Variants in ADARB2 observed in about 807,000 individuals in gnomAD.
ADARB2 encodes the protein adenosine deaminase RNA specific B2 (inactive).
A neutral mutation model predicts 62.2 loss-of-function variants in ADARB2; 25 were observed. The observed-to-expected ratio is 0.40, with a 90% confidence interval of 0.29 to 0.56. The LOEUF is 0.56. Among genes scored for constraint, ADARB2 ranks in the 20% least tolerant of loss-of-function variants. ADARB2 has a pLI of 0.43. For missense variants in ADARB2, 1,071 were observed against 1,077.4 expected, an observed-to-expected ratio of 0.99 and a Z score of 0.08; for synonymous variants, 572 against 500.8, an observed-to-expected ratio of 1.14 and a Z score of -1.90.
At chr10:1,229,828 T>G (rs1324997854) in intron 6 of ADARB2, among the ~76,000 whole-genome samples, 7 of 144,720 alleles carry the variant, frequency 4.8e-5, no homozygotes, top group Non-Finnish European at 1.5e-5. Flanking sequence ...ATGTATGTTT[T>G]TGTGCACATG....
At chr10:1,351,446 A>G (rs541626266) in intron 3 of ADARB2, among the ~76,000 whole-genome samples, 4 of 151,772 alleles carry the variant, frequency 2.6e-5, no homozygotes, top group African/African-American at 7.3e-5. Context: ...GTGCCAACTT[A>G]GACAATACTC....
At chr10:1,405,337 A>G (rs573626575) in intron 1 of ADARB2, among the ~76,000 whole-genome samples, 2 of 152,322 alleles carry the variant, frequency 1.3e-5, no homozygotes, top group African/African-American at 4.8e-5. Context: ...CTTGAGCTTC[A>G]ATTTGCTGAA....
intron 1 of ADARB2, among the ~76,000 whole-genome samples, chr10:1,544,026 A>C (rs77342056): frequency 0.24 from 35,363 of 147,860 alleles, 5,246 homozygotes; most frequent in East Asian, 0.57. Context: ...AACAAAAAAA[A>C]AAACACACAA....
intron 3 of ADARB2, among the ~76,000 whole-genome samples, chr10:1,320,470 C>T (rs1189348910): frequency 2.0e-5 from 3 of 152,202 alleles, no homozygotes; most frequent in Non-Finnish European, 2.9e-5. Flanking sequence ...CAGGCAAGAC[C>T]TCAATTTCAC....
At chr10:1,344,736 C>T (rs183997415) in intron 3 of ADARB2, among the ~76,000 whole-genome samples, 6 of 152,228 alleles carry the variant, frequency 3.9e-5, no homozygotes, top group South Asian at 2.1e-4. Flanking sequence ...GGGACGGGCA[C>T]GGCGAGGCAC....
chr10:1,654,426 C>A (rs1027596855), intron 1 of ADARB2, among the ~76,000 whole-genome samples: 1 of 152,204 alleles, frequency 6.6e-6, no homozygotes. Context: ...TGGAGACCAC[C>A]TAGACCCTCC....
intron 6 of ADARB2, among the ~76,000 whole-genome samples, chr10:1,229,860 GT>G (rs1830787385): frequency 7.9e-6 from 1 of 126,218 alleles, no homozygotes; most frequent in South Asian, 2.6e-4. Context: ...GTGTGTGTGT[GT>G]GTGTGTGGGT....
intron 3 of ADARB2, among the ~76,000 whole-genome samples, chr10:1,321,298 GC>G (rs1831792858): frequency 6.6e-6 from 1 of 152,154 alleles, no homozygotes. Flanking sequence ...GAAGATCCCT[GC>G]CTATCCTGCC....
chr10:1,480,403 T>TAAG (rs915805750), intron 1 of ADARB2, among the ~76,000 whole-genome samples: 14 of 152,196 alleles, frequency 9.2e-5, no homozygotes, highest in African/African-American at 3.1e-4. Flanking sequence ...AAAAGGAAAT[T>TAAG]AAGAAAAAGT....
At chr10:1,200,336 GA>G in intron 7 of ADARB2, 189 bp from the exon 8 acceptor site, 1 of 739,756 alleles carries the variant, frequency 1.4e-6, no homozygotes. Flanking sequence ...TGTTGCCTGG[GA>G]CTGGGCTCCA....
At chr10:1,268,335 C>T (rs1273951271) in intron 4 of ADARB2, among the ~76,000 whole-genome samples, 1 of 151,968 alleles carries the variant, frequency 6.6e-6, no homozygotes, top group Non-Finnish European at 1.5e-5. Flanking sequence ...TACCATATGA[C>T]TGCATTAATT....
chr10:1,695,976 AAT>A (rs969607840), intron 1 of ADARB2, among the ~76,000 whole-genome samples: 3 of 151,540 alleles, frequency 2.0e-5, no homozygotes, highest in Non-Finnish European at 4.4e-5. Context: ...TATGTGAGAG[AAT>A]ATGTGCATGC....
intron 3 of ADARB2, among the ~76,000 whole-genome samples, chr10:1,285,644 C>T (rs1831405757): frequency 6.6e-6 from 1 of 152,226 alleles, no homozygotes; most frequent in Admixed American, 6.5e-5. Flanking sequence ...CAAAAGGCTG[C>T]TCTGTTAGCT....
rs551420285 is a variant in ADARB2, at chr10:1,218,294, G to A, written c.1514-1175C>T. On this transcript the variant is annotated intron_variant, in intron 6 of 9. Transcript: ENST00000381312. ...TCGAACTCCTGACCTCAGGTGATCC[G>A]CCCACCTCCGCCTCCCAAAGTGCTG... Among the ~76,000 whole-genome samples, 1,025 of 152,068 alleles carry A rather than the reference G, an allele frequency of 6.7e-3. 4 individuals carry two copies. Among genetic ancestry groups the A allele is most frequent in the Non-Finnish European group, 9.1e-3 (621 of 67,970 alleles).
At chr10:1,727,467 G>A (rs1835180941) in intron 1 of ADARB2, among the ~76,000 whole-genome samples, 1 of 152,164 alleles carries the variant, frequency 6.6e-6, no homozygotes, top group African/African-American at 2.4e-5. Flanking sequence ...CTCCCAGAGA[G>A]TTCCGATTAT....
At chr10:1,300,299 G>A (rs1049409153) in intron 3 of ADARB2, among the ~76,000 whole-genome samples, 1 of 152,102 alleles carries the variant, frequency 6.6e-6, no homozygotes, top group African/African-American at 2.4e-5. Context: ...GGCTGCCCTC[G>A]CAGCAGGGAT....
chr10:1,351,408 C>T (rs1832137866), intron 3 of ADARB2, among the ~76,000 whole-genome samples: 1 of 151,786 alleles, frequency 6.6e-6, no homozygotes, highest in South Asian at 2.1e-4. Flanking sequence ...GGCCAGGCTT[C>T]TAAACCTCTT....
Position 1,453,124 on chromosome 10 carries a change from C to T in ADARB2, c.101-73964G>A, listed in dbSNP as rs536599186. On this transcript the variant is annotated intron_variant, in intron 1 of 9. Coordinates refer to ENST00000381312, the MANE Select transcript of ADARB2 (RefSeq NM_018702.4). ...TCCACATCCTCTCTTCCCTCCCCCA[C>T]GTCTGCAAAACGTGGCCTTGAAGGA... Among the ~76,000 whole-genome samples, 85 of 152,330 alleles carry T rather than the reference C, an allele frequency of 5.6e-4. 1 individual carries two copies. In the South Asian group the frequency reaches 9.9e-3, roughly 18 times the overall value.
chr10:1,485,116 A>C (rs1831523982), intron 1 of ADARB2, among the ~76,000 whole-genome samples: 1 of 152,146 alleles, frequency 6.6e-6, no homozygotes, highest in Non-Finnish European at 1.5e-5. Context: ...GTATGCATGT[A>C]GATACCTGTG....
Sources: allele counts gnomAD v4.1 joint callset (sites outside exome capture counted in the v4.1 genomes callset), GRCh38; gene constraint gnomAD v4.1.1; transcripts MANE v1.5; gene names NCBI Gene and HGNC (gene_info 2026-07-23, HGNC 2026-07-21).